Variants in TM9SF4 observed in about 807,000 individuals in gnomAD.
TM9SF4 encodes the protein transmembrane 9 superfamily member 4.
A neutral mutation model predicts 90.4 loss-of-function variants in TM9SF4; 26 were observed. The observed-to-expected ratio is 0.29, with a 90% confidence interval of 0.21 to 0.40. The LOEUF is 0.40. TM9SF4 is among the 10% of genes least tolerant of loss of function. TM9SF4 has a pLI of 1.00. For synonymous variants in TM9SF4, 293 were observed against 315.4 expected (o/e 0.93, Z 0.75); for missense variants, 549 against 834.8 (o/e 0.66, Z 4.22).
chr20:32,161,160 A>G, intron 16 of TM9SF4, 116 bp from the exon 17 acceptor site: 1 of 766,062 alleles, frequency 1.3e-6, no homozygotes, highest in Non-Finnish European at 2.2e-6. Flanking sequence ...AAACATTTCC[A>G]TCACCCCATA....
intron 10 of TM9SF4, among the ~76,000 whole-genome samples, chr20:32,150,375 C>T (rs977367282): frequency 7.9e-5 from 12 of 152,228 alleles, no homozygotes; most frequent in Non-Finnish European, 1.5e-4. Flanking sequence ...CCGAAAGCTG[C>T]GGTTGAGATT....
chr20:32,165,382 A>G lies in TM9SF4; in HGVS notation c.1867A>G (p.Ile623Val), dbSNP rs1458319120. 2 of 1,614,062 alleles carry G rather than the reference A, an allele frequency of 1.2e-6. No homozygotes were observed. Among genetic ancestry groups the G allele is most frequent in the East Asian group, 2.2e-5 (1 of 44,898 alleles). ...GTCCTTCTGGCTGCTAACGGGTACC[A>G]TCGGCTTCTATGCAGCCTACATGTT... ...VLSFWLLTGT[I>V]GFYAAYMFVR... Residue 623 changes from isoleucine (I) to valine (V), a missense_variant, in exon 18 of 18, where the codon ATC becomes GTC. Transcript: ENST00000398022.
intron 13 of TM9SF4, 117 bp from the exon 14 acceptor site, chr20:32,157,677 C>A (rs897863139): frequency 1.5e-6 from 2 of 1,335,300 alleles, no homozygotes; most frequent in South Asian, 2.8e-5. Context: ...AGGGAGTGTG[C>A]TTCTGCTGCA....
At position 32,143,060 on chromosome 20, in the gene TM9SF4, C is replaced by T. The variant is rs199761347; in HGVS notation, c.607C>T (p.Arg203Cys). 617 of 1,613,720 alleles carry T rather than the reference C, an allele frequency of 3.8e-4. 3 individuals are homozygous for T. Among genetic ancestry groups the T allele is most frequent in the Non-Finnish European group, 6.9e-5 (82 of 1,179,862 alleles). Residue 203 changes from arginine (R) to cysteine (C), a missense_variant, in exon 6 of 18, where the codon CGT (arginine) becomes TGT (cysteine). Physicochemically the swap from Arg to Cys is radical, Grantham distance 180. Transcript: ENST00000398022. The stretch of plus-strand genomic sequence containing the variant: ...GGAAGAGGACCAGGAGCACACGTAC[C>T]GTGTCGTCCGCTTCGAGGTGATTCC... ...DMEEDQEHTY[R>C]VVRFEVIPQS...
intron 12 of TM9SF4, among the ~76,000 whole-genome samples, chr20:32,153,321 G>T (rs2046869826): frequency 6.6e-6 from 1 of 152,232 alleles, no homozygotes; most frequent in Non-Finnish European, 1.5e-5. Flanking sequence ...GTTGGGTGCA[G>T]GGCTGTGAGC....
intron 1 of TM9SF4, among the ~76,000 whole-genome samples, chr20:32,121,698 G>A (rs956552171): frequency 3.9e-5 from 6 of 152,138 alleles, no homozygotes; most frequent in East Asian, 1.9e-4. Flanking sequence ...ATCCTGGCCC[G>A]CTCTCAATGA....
At chr20:32,111,617 C>T (rs915225646) in intron 1 of TM9SF4, among the ~76,000 whole-genome samples, 9 of 152,120 alleles carry the variant, frequency 5.9e-5, no homozygotes, top group Non-Finnish European at 1.2e-4. Context: ...GCTGTGAGGA[C>T]AGCAAAATGA....
intron 6 of TM9SF4, among the ~76,000 whole-genome samples, chr20:32,143,884 C>T (rs2046719244): frequency 6.6e-6 from 1 of 152,128 alleles, no homozygotes; most frequent in African/African-American, 2.4e-5. Context: ...CTTTTGAGGC[C>T]ACCTGCTCCC....
Position 32,166,879 on chromosome 20 carries a change from G to A in TM9SF4, c.*1435G>A, listed in dbSNP as rs2047106020. 1 of 152,168 alleles carries A rather than the reference G, an allele frequency of 6.6e-6. No homozygotes were observed. The highest frequency in any genetic ancestry group is 1.5e-5 in the Non-Finnish European group (1 of 68,058). 9.4% of individuals were successfully genotyped at this position (152,168 alleles called of 1,614,324 possible). On this transcript the variant is annotated 3_prime_UTR_variant, in exon 18 of 18. Transcript: ENST00000398022. ...AAAGCTCAGGATGCTGGTGATGCTA[G>A]GAAGATGTCCCTCCCCTCACTGCCC...
chr20:32,122,686 T>G (rs1306697971), intron 1 of TM9SF4, among the ~76,000 whole-genome samples: 10 of 142,380 alleles, frequency 7.0e-5, no homozygotes, highest in African/African-American at 2.4e-4. Context: ...CTTTCCAGAC[T>G]GGGCAGCCAG....
intron 1 of TM9SF4, among the ~76,000 whole-genome samples, chr20:32,125,681 C>CT (rs11470673): frequency 0.013 from 1,368 of 108,890 alleles, 23 homozygotes; most frequent in Middle Eastern, 0.071. Context: ...TCTCTTTTTT[C>CT]TTTTTTTTTT....
chr20:32,109,998 T>C, intron 1 of TM9SF4: 1 of 1,410,456 alleles, frequency 7.1e-7, no homozygotes, highest in Non-Finnish European at 9.2e-7. Context: ...CCTCGGCTGC[T>C]GCCTTCGCCG....
chr20:32,123,818 G>A (rs1187893306), intron 1 of TM9SF4, among the ~76,000 whole-genome samples: 1 of 139,442 alleles, frequency 7.2e-6, no homozygotes, highest in African/African-American at 2.7e-5. Flanking sequence ...ACTTTGGATA[G>A]CTCTCTAGCT....
intron 17 of TM9SF4, among the ~76,000 whole-genome samples, chr20:32,163,823 CT>C (rs2047062728): frequency 6.6e-6 from 1 of 151,930 alleles, no homozygotes; most frequent in Non-Finnish European, 1.5e-5. Context: ...GTTGGCCAGG[CT>C]GGTCTTGAAC....
At chr20:32,110,385 C>T (rs1254089880) in intron 1 of TM9SF4, among the ~76,000 whole-genome samples, 1 of 152,126 alleles carries the variant, frequency 6.6e-6, no homozygotes, top group Non-Finnish European at 1.5e-5. Flanking sequence ...CAACTCCCTG[C>T]CCCTCTCTTA....
chr20:32,117,010 G>T (rs1437843671), intron 1 of TM9SF4, among the ~76,000 whole-genome samples: 1 of 150,876 alleles, frequency 6.6e-6, no homozygotes, highest in African/African-American at 2.4e-5. Context: ...GGTCATTTGA[G>T]GTCAGGAGCT....
intron 17 of TM9SF4, among the ~76,000 whole-genome samples, chr20:32,164,858 T>G (rs1047002505): frequency 6.6e-6 from 1 of 152,114 alleles, no homozygotes; most frequent in South Asian, 2.1e-4. Flanking sequence ...CTAACAAAAG[T>G]GACAAGCATT....
chr20:32,157,988 GCAA>G lies in TM9SF4; in HGVS notation c.1505+20_1505+22del. On this transcript the variant is annotated intron_variant, in intron 14 of 17. Transcript: ENST00000398022. ...TTGTGGGGTGAGTCCTCCAGCAGAG[GCAA>G]GAGCAGGGGAACGTGGAAGAGGGTA... The G allele has an allele frequency of 6.2e-7, 1 of 1,613,554 alleles. No homozygotes were observed. Among genetic ancestry groups the G allele is most frequent in the Non-Finnish European group, 8.5e-7 (1 of 1,179,578 alleles).
At chr20:32,123,868 T>TA (rs1161883493) in intron 1 of TM9SF4, among the ~76,000 whole-genome samples, 1,869 of 43,052 alleles carry the variant, frequency 0.043, 41 homozygotes, top group Non-Finnish European at 0.055. Flanking sequence ...ATATATATAT[T>TA]TTTTTTTTTA....
Sources: gnomAD v4.1 joint callset for allele counts (sites outside exome capture counted in the v4.1 genomes callset) on GRCh38, gnomAD v4.1.1 for gene constraint, MANE v1.5 for transcripts, NCBI Gene and HGNC (gene_info 2026-07-23, HGNC 2026-07-21) for gene names.